Variants in WIPF1 observed in about 807,000 individuals in gnomAD.
WIPF1 encodes WAS/WASL interacting protein family member 1.
In WIPF1, 13 loss-of-function variants were observed where a neutral mutation model predicts 35.4. That is an observed-to-expected ratio of 0.37 (90% confidence interval 0.24 to 0.58). The LOEUF (loss-of-function observed/expected upper bound fraction) is 0.58. Among genes scored for constraint, WIPF1 ranks in the 20% least tolerant of loss-of-function variants. WIPF1 has a pLI of 0.74. For missense variants in WIPF1, 591 were observed against 667.0 expected (o/e 0.89, Z 1.25); for synonymous variants, 267 against 266.3 (o/e 1.00, Z -0.02).
intron 7 of WIPF1, 80 bp from the exon 8 acceptor site, chr2:174,562,682 G>A (rs1252431760): frequency 4.5e-6 from 7 of 1,557,308 alleles, no homozygotes; most frequent in South Asian, 2.3e-5. Flanking sequence ...ATGGTTGCAC[G>A]GGTACCCACT....
intron 5 of WIPF1, chr2:174,570,621 C>T (rs1381973824): frequency 2.0e-5 from 3 of 152,052 alleles, no homozygotes; most frequent in Admixed American, 2.0e-4. Context: ...CAGTCTGCAC[C>T]CCAGACCAAT....
Position 174,652,631 on chromosome 2 carries a change from T to C in WIPF1, c.-39+30143A>G, listed in dbSNP as rs150913709. On this transcript the variant is annotated intron_variant, in intron 1 of 8. Transcript: ENST00000272746. ...AGCTAGGAACCTTAGGGGGAAATAA[T>C]TTAAATTTATAGAGCTAACCATTAG... 4.6e-5 allele frequency among the ~76,000 whole-genome samples: 7 copies of C among 152,214 alleles called. No homozygotes were observed. In the East Asian group the frequency reaches 1.2e-3, roughly 25 times the overall value.
chr2:174,571,957 G>A lies in WIPF1; in HGVS notation c.848C>T (p.Pro283Leu), dbSNP rs369736015. Residue 283 changes from proline (P) to leucine (L), a missense_variant, in exon 5 of 8, where the codon CCC becomes CTC. Physicochemically the swap from Pro to Leu is moderately conservative, Grantham distance 98. Around this residue, in one of 3 missense-constraint regions of WIPF1, gnomAD observed 471 missense variants for 501.1 expected, o/e 0.94. Transcript: ENST00000679041. The surrounding 1 kb of genome is among the most constrained non-coding windows in gnomAD (Gnocchi z 4.6). ...NRPSIHREAVPPPPPQNNKPP... is the reference protein window; with the variant it reads ...NRPSIHREAVLPPPPQNNKPP... ...CTTGTTGTTCTGAGGAGGAGGAGGG[G>A]GAACCGCTTCCCTGTGGATGGAGGG... The A allele has an allele frequency of 3.2e-6, 5 of 1,573,550 alleles. No homozygotes were observed. The highest frequency in any genetic ancestry group is 1.8e-5 in the Admixed American group (1 of 54,194).
Position 174,572,452 on chromosome 2 carries a change from G to C in WIPF1, c.359-6C>G. 7 of 1,614,092 alleles carry C rather than the reference G, an allele frequency of 4.3e-6. No homozygotes were observed. Among genetic ancestry groups the C allele is most frequent in the Non-Finnish European group, 5.9e-6 (7 of 1,180,016 alleles). On this transcript the variant is annotated splice_polypyrimidine_tract_variant and splice_region_variant and intron_variant, in intron 4 of 7. Coordinates refer to ENST00000679041, the MANE Select transcript of WIPF1 (RefSeq NM_001375834.1). ...TGGTCGGCTTCCTCCAGAATCTGAA[G>C]AACAGGAAAACAAACATCAGTTAGG...
chr2:174,638,070 T>A (rs1687223172), intron 1 of WIPF1, among the ~76,000 whole-genome samples: 1 of 152,206 alleles, frequency 6.6e-6, no homozygotes, highest in Non-Finnish European at 1.5e-5. Context: ...TTTCACTGAT[T>A]TTTTTTCCCA....
At chr2:174,607,762 G>C (rs1686218048) in intron 1 of WIPF1, among the ~76,000 whole-genome samples, 1 of 152,092 alleles carries the variant, frequency 6.6e-6, no homozygotes, top group African/African-American at 2.4e-5. Context: ...TGCCTGATCT[G>C]CTCTTCCCAC....
At chr2:174,677,910 A>T (rs1341558811) in intron 1 of WIPF1, among the ~76,000 whole-genome samples, 1 of 152,144 alleles carries the variant, frequency 6.6e-6, no homozygotes, top group Admixed American at 6.5e-5. Context: ...TTGGAATCAG[A>T]CTGCTCCACA....
chr2:174,588,567 T>G (rs1355912121), intron 1 of WIPF1, among the ~76,000 whole-genome samples: 1 of 152,202 alleles, frequency 6.6e-6, no homozygotes, highest in East Asian at 1.9e-4. Context: ...TAGTACTGTC[T>G]GTGCACTAAC....
chr2:174,634,181 C>T (rs913626457), intron 1 of WIPF1, among the ~76,000 whole-genome samples: 13 of 152,166 alleles, frequency 8.5e-5, no homozygotes, highest in African/African-American at 2.9e-4. Flanking sequence ...GCTGATCTGT[C>T]CCGTTTCACA....
chr2:174,573,565 G>C (rs1222074548), intron 4 of WIPF1, among the ~76,000 whole-genome samples: 2 of 152,244 alleles, frequency 1.3e-5, no homozygotes, highest in African/African-American at 4.8e-5. Context: ...GCTCTTCTGA[G>C]AATGTGACAT....
At chr2:174,593,041 T>A (rs1054643584) in intron 1 of WIPF1, among the ~76,000 whole-genome samples, 1 of 152,076 alleles carries the variant, frequency 6.6e-6, no homozygotes, top group Non-Finnish European at 1.5e-5. Flanking sequence ...TCTTTTATAT[T>A]GTAGAGAATA....
chr2:174,667,419 G>C (rs1225283024), intron 1 of WIPF1, among the ~76,000 whole-genome samples: 1 of 152,058 alleles, frequency 6.6e-6, no homozygotes, highest in Admixed American at 6.5e-5. Context: ...CTCCACCCCC[G>C]TCCCTGGGCT....
chr2:174,657,683 A>G (rs1415698289), intron 1 of WIPF1, among the ~76,000 whole-genome samples: 1 of 152,194 alleles, frequency 6.6e-6, no homozygotes, highest in Non-Finnish European at 1.5e-5. Context: ...ACCTGAGGTC[A>G]GGAGTTTGAG....
At chr2:174,679,159 G>A (rs762457093) in intron 1 of WIPF1, among the ~76,000 whole-genome samples, 3 of 152,146 alleles carry the variant, frequency 2.0e-5, no homozygotes, top group Non-Finnish European at 2.9e-5. Context: ...CAGAAGGGGT[G>A]TTACTCTCAT....
intron 1 of WIPF1, among the ~76,000 whole-genome samples, chr2:174,630,862 C>T (rs1229180898): frequency 6.6e-6 from 1 of 152,206 alleles, no homozygotes; most frequent in Non-Finnish European, 1.5e-5. Flanking sequence ...ATGGTCACCC[C>T]TCCAGAATAG....
At chr2:174,665,458 C>T (rs1687871524) in intron 1 of WIPF1, 1 of 152,234 alleles carries the variant, frequency 6.6e-6, no homozygotes, top group South Asian at 2.1e-4. Context: ...TAAGGAAAAC[C>T]ATTTCTAGGA....
At chr2:174,594,473 G>A (rs1421478346) in intron 1 of WIPF1, among the ~76,000 whole-genome samples, 1 of 152,098 alleles carries the variant, frequency 6.6e-6, no homozygotes, top group East Asian at 1.9e-4. Flanking sequence ...AAATGAAGGT[G>A]AGCTGAATGA....
chr2:174,595,459 C>T (rs146612059), intron 1 of WIPF1, among the ~76,000 whole-genome samples: 30 of 151,992 alleles, frequency 2.0e-4, no homozygotes, highest in South Asian at 6.2e-4. Flanking sequence ...TATGTAAGTC[C>T]GGTTTTCAAA....
chr2:174,580,610 A>G (rs903853235), intron 3 of WIPF1, among the ~76,000 whole-genome samples: 3 of 152,200 alleles, frequency 2.0e-5, no homozygotes, highest in African/African-American at 7.2e-5. Context: ...TAGGAATGTG[A>G]GGAGACAGGC....
Sources: allele counts gnomAD v4.1 joint callset (sites outside exome capture counted in the v4.1 genomes callset), GRCh38; gene constraint gnomAD v4.1.1; regional missense constraint gnomAD v4.1.1; non-coding constraint Gnocchi (gnomAD v3.1); transcripts MANE v1.5; gene names NCBI Gene and HGNC (gene_info 2026-07-23, HGNC 2026-07-21).